The following KIAA1958 variants were observed in gnomAD, a reference collection of about 807,000 sequenced individuals.
KIAA1958 encodes the protein KIAA1958.
Under a neutral mutation model 47.2 loss-of-function variants are expected in KIAA1958, and 14 were observed. That is an observed-to-expected ratio of 0.30 (90% CI 0.20 to 0.46). KIAA1958 has a LOEUF of 0.46. Ranked by LOEUF, KIAA1958 falls within the 20% of genes least tolerant of loss-of-function variation. The pLI is 1.00. For synonymous variants in KIAA1958, 354 were observed against 353.3 expected, an observed-to-expected ratio of 1.00 and a Z score of -0.02; for missense variants, 803 against 909.2, an observed-to-expected ratio of 0.88 and a Z score of 1.50.
chr9:112,580,524 T>C (rs1835718202), intron 2 of KIAA1958, among the ~76,000 whole-genome samples: 1 of 152,192 alleles, frequency 6.6e-6, no homozygotes, highest in Non-Finnish European at 1.5e-5. Context: ...CAGTGGCTCA[T>C]GCCTGTAATC....
At chr9:112,505,492 G>A (rs766805343) in intron 1 of KIAA1958, among the ~76,000 whole-genome samples, 1 of 152,142 alleles carries the variant, frequency 6.6e-6, no homozygotes, top group African/African-American at 2.4e-5. Flanking sequence ...ATATTTGAAC[G>A]CTAGATAGCA....
intron 2 of KIAA1958, among the ~76,000 whole-genome samples, chr9:112,634,647 G>A (rs908069810): frequency 1.8e-4 from 27 of 152,282 alleles, no homozygotes; most frequent in Non-Finnish European, 3.4e-4. Context: ...CTTGTGTCAT[G>A]GGGGTTTGTC....
intron 3 of KIAA1958, among the ~76,000 whole-genome samples, chr9:112,646,749 A>G (rs1267800445): frequency 6.6e-6 from 1 of 152,226 alleles, no homozygotes; most frequent in Non-Finnish European, 1.5e-5. Flanking sequence ...CGCTGCCTCT[A>G]AAAAACAAAC....
chr9:112,563,952 C>A (rs1038863336), intron 1 of KIAA1958, among the ~76,000 whole-genome samples: 1 of 152,086 alleles, frequency 6.6e-6, no homozygotes, highest in Admixed American at 6.5e-5. Context: ...TGAATTTTGT[C>A]AAATGCTTTT....
At chr9:112,498,122 G>T (rs937581662) in intron 1 of KIAA1958, among the ~76,000 whole-genome samples, 35 of 152,150 alleles carry the variant, frequency 2.3e-4, no homozygotes, top group Non-Finnish European at 4.9e-4. Flanking sequence ...ACATTTTCAT[G>T]ACAGTTCTGG....
chr9:112,529,842 CT>C (rs35898777), intron 1 of KIAA1958, among the ~76,000 whole-genome samples: 142,925 of 149,826 alleles, frequency 0.95, 68,228 homozygotes, highest in African/African-American at 0.99. Flanking sequence ...ACTCCTCTTA[CT>C]TTTTTTTTTT....
intron 2 of KIAA1958, among the ~76,000 whole-genome samples, chr9:112,600,069 A>T (rs1001242406): frequency 1.3e-5 from 2 of 152,198 alleles, no homozygotes; most frequent in Admixed American, 1.3e-4. Flanking sequence ...TTTGGCCGAG[A>T]CGAAAGTGCT....
chr9:112,577,858 C>A (rs1835675827), intron 2 of KIAA1958, among the ~76,000 whole-genome samples: 1 of 151,030 alleles, frequency 6.6e-6, no homozygotes, highest in South Asian at 2.1e-4. Flanking sequence ...AATTGCACTT[C>A]TTATATTAGC....
chr9:112,574,704 C>G lies in KIAA1958; in HGVS notation c.624C>G (p.Pro208=), dbSNP rs781436748. 18 of 1,614,078 alleles carry G rather than the reference C, an allele frequency of 1.1e-5. No homozygotes were observed. The African/African-American group carries it at 2.4e-4, about 22-fold the overall frequency. ...TCAAGAAAATCAAACAAGAAATCCC[C>G]GAAGATTATTACATTGTGGCAAATG... is the stretch of plus-strand genomic sequence containing the variant. The part of the protein sequence containing the change: ...VIIKKIKQEI[P]EDYYIVANAE... The change falls in exon 2 of 4, where the codon CCC becomes CCG. Residue 208 remains proline (P), a synonymous_variant. Transcript: ENST00000337530.
At chr9:112,573,029 G>C (rs149780817) in intron 1 of KIAA1958, among the ~76,000 whole-genome samples, 2 of 152,218 alleles carry the variant, frequency 1.3e-5, no homozygotes, top group African/African-American at 4.8e-5. Context: ...AGATTCCTGT[G>C]CCTCCCTGAC....
At chr9:112,653,283 G>A (rs541063310) in intron 3 of KIAA1958, among the ~76,000 whole-genome samples, 9 of 152,274 alleles carry the variant, frequency 5.9e-5, no homozygotes, top group African/African-American at 1.2e-4. Context: ...CAAGAAGTTC[G>A]ATGAAGCTGG....
chr9:112,597,359 A>T (rs1836049676), intron 2 of KIAA1958, among the ~76,000 whole-genome samples: 1 of 152,220 alleles, frequency 6.6e-6, no homozygotes, highest in Admixed American at 6.5e-5. Context: ...TTTCACAGAT[A>T]AAGAAACTAA....
intron 1 of KIAA1958, among the ~76,000 whole-genome samples, chr9:112,572,142 A>G (rs931184258): frequency 1.3e-5 from 2 of 152,122 alleles, no homozygotes; most frequent in Admixed American, 6.5e-5. Flanking sequence ...CTGGGAGCTC[A>G]TCTGTCACTC....
intron 2 of KIAA1958, among the ~76,000 whole-genome samples, chr9:112,599,743 T>A (rs1836097347): frequency 6.6e-6 from 1 of 152,200 alleles, no homozygotes; most frequent in South Asian, 2.1e-4. Context: ...AACAAGATTC[T>A]TTTTGGAAAT....
intron 1 of KIAA1958, among the ~76,000 whole-genome samples, chr9:112,532,733 T>C (rs187685400): frequency 2.6e-5 from 4 of 152,342 alleles, no homozygotes; most frequent in Admixed American, 2.6e-4. Flanking sequence ...CTGCTGTGTG[T>C]GGTATAAGCT....
intron 2 of KIAA1958, among the ~76,000 whole-genome samples, chr9:112,640,730 G>A (rs1436139974): frequency 6.6e-6 from 1 of 152,038 alleles, no homozygotes; most frequent in Non-Finnish European, 1.5e-5. Context: ...CTTGAGTTCT[G>A]GTTCATTTGA....
At chr9:112,511,607 C>G (rs1464133313) in intron 1 of KIAA1958, among the ~76,000 whole-genome samples, 1 of 152,102 alleles carries the variant, frequency 6.6e-6, no homozygotes, top group Non-Finnish European at 1.5e-5. Context: ...AACTCAATGA[C>G]CTCAGGTTTT....
At chr9:112,582,964 G>A (rs907931233) in intron 2 of KIAA1958, among the ~76,000 whole-genome samples, 1 of 152,110 alleles carries the variant, frequency 6.6e-6, no homozygotes, top group Admixed American at 6.5e-5. Flanking sequence ...AGAATCTCAG[G>A]CTCCACAAAA....
intron 1 of KIAA1958, among the ~76,000 whole-genome samples, chr9:112,546,910 C>G (rs1193211710): frequency 6.6e-6 from 1 of 151,970 alleles, no homozygotes; most frequent in East Asian, 1.9e-4. Context: ...CCTGAGCTTT[C>G]CTACCAGAGT....
Sources: allele counts gnomAD v4.1 joint callset (sites outside exome capture counted in the v4.1 genomes callset), GRCh38; gene constraint gnomAD v4.1.1; transcripts MANE v1.5; gene names NCBI Gene and HGNC (gene_info 2026-07-23, HGNC 2026-07-21).